The following RMDN2 variants were observed in gnomAD, a reference collection of about 807,000 sequenced individuals.
RMDN2 encodes the protein regulator of microtubule dynamics protein 2.
A neutral mutation model predicts 52.8 loss-of-function variants in RMDN2; 61 were observed. The observed-to-expected ratio is 1.16, with a 90% CI of 0.94 to 1.43. RMDN2 has a LOEUF of 1.43. Ranked by LOEUF, RMDN2 falls within the 40% of genes most tolerant of loss-of-function variation. The pLI is 0.00. For synonymous variants in RMDN2, 180 were observed against 153.1 expected (o/e 1.18, Z -1.30); for missense variants, 592 against 475.3 (o/e 1.25, Z -2.28).
chr2:37,941,149 C>A (rs1034826346), intron 2 of RMDN2, among the ~76,000 whole-genome samples: 5 of 152,192 alleles, frequency 3.3e-5, no homozygotes, highest in African/African-American at 1.2e-4. Flanking sequence ...ACAGTCAGGC[C>A]CCTCTTCTGC....
chr2:37,929,606 A>G lies in RMDN2; in HGVS notation c.329A>G (p.Glu110Gly), dbSNP rs1666556979. ...AAGCTGGAGGAATATATACAAGATGAACTTGGAGGGAAAATAACTGTTCAT... is the reference window on the plus strand; with the variant it reads ...AAGCTGGAGGAATATATACAAGATGGACTTGGAGGGAAAATAACTGTTCAT... ...IPKLEEYIQD[E>G]LGGKITVHKI... The change falls in exon 2 of 11, where the codon GAA becomes GGA. Residue 110 changes from glutamate (E) to glycine (G), a missense_variant. Transcript: ENST00000354545. The G allele has an allele frequency of 6.4e-7, 1 of 1,551,800 alleles. No individual in the cohort carries two copies. The highest frequency in any genetic ancestry group is 1.2e-5 in the South Asian group (1 of 84,052).
intron 10 of RMDN2, among the ~76,000 whole-genome samples, chr2:38,056,152 C>T (rs79372953): frequency 2.0e-3 from 301 of 152,258 alleles, no homozygotes; most frequent in African/African-American, 7.0e-3. Flanking sequence ...GCCAGGCACC[C>T]GGGATCCAGT....
At chr2:37,977,055 G>A (rs969645047) in intron 4 of RMDN2, among the ~76,000 whole-genome samples, 6 of 152,062 alleles carry the variant, frequency 3.9e-5, no homozygotes, top group Non-Finnish European at 8.8e-5. Context: ...GACTCTGAAC[G>A]AGCATGCTGC....
intron 10 of RMDN2, chr2:38,030,165 C>T (rs748192167): frequency 9.9e-5 from 15 of 152,212 alleles, no homozygotes; most frequent in Non-Finnish European, 1.6e-4. Context: ...ACAATGCCAG[C>T]GCCAGCCTTA....
intron 2 of RMDN2, among the ~76,000 whole-genome samples, chr2:37,954,339 A>T (rs138031676): frequency 6.6e-6 from 1 of 152,088 alleles, no homozygotes; most frequent in African/African-American, 2.4e-5. Context: ...TAGGTTTTAT[A>T]TTTAGGTCTT....
intron 10 of RMDN2, among the ~76,000 whole-genome samples, chr2:38,065,876 G>C (rs556516138): frequency 2.6e-5 from 4 of 152,228 alleles, no homozygotes; most frequent in Admixed American, 6.5e-5. Context: ...TCTCAGAAGA[G>C]AGCAGTGTGG....
Position 37,974,038 on chromosome 2 carries a change from A to C in RMDN2, c.453-2A>C. The C allele has an allele frequency of 6.2e-7, 1 of 1,600,484 alleles. No individual in the cohort carries two copies. Among genetic ancestry groups the C allele is most frequent in the Non-Finnish European group, 8.5e-7 (1 of 1,173,830 alleles). On this transcript the variant is annotated splice_acceptor_variant, in intron 2 of 10. Transcript: ENST00000354545. LOFTEE classifies it high-confidence loss of function. ...AGTTGATGATTATTTCTGCGATTTTAGGTATATTACAGCTAATACTGACAC... is the reference window on the plus strand; with the variant it reads ...AGTTGATGATTATTTCTGCGATTTTCGGTATATTACAGCTAATACTGACAC...
At chr2:37,966,415 T>A (rs1310211614) in intron 2 of RMDN2, among the ~76,000 whole-genome samples, 4 of 148,224 alleles carry the variant, frequency 2.7e-5, no homozygotes, top group African/African-American at 1.0e-4. Context: ...AGGCTCTGTC[T>A]TAAAAAAAAA....
chr2:38,006,691 T>C lies in RMDN2; in HGVS notation c.1179+2475T>C, dbSNP rs562444978. On this transcript the variant is annotated intron_variant, in intron 10 of 10. Transcript: ENST00000354545. Reference sequence around the variant, plus strand: ...TTCCTCTTTTCCTAATTGAATACCCTTTATTTCCTTCTCCTGCCTGATTGC... The same window carrying C: ...TTCCTCTTTTCCTAATTGAATACCCCTTATTTCCTTCTCCTGCCTGATTGC... Among the ~76,000 whole-genome samples, 6 of 152,316 alleles carry C rather than the reference T, an allele frequency of 3.9e-5. No individual in the cohort carries two copies. The South Asian group carries it at 1.2e-3, about 32-fold the overall frequency.
At chr2:37,950,959 AT>A (rs1377297454) in intron 2 of RMDN2, among the ~76,000 whole-genome samples, 1 of 151,624 alleles carries the variant, frequency 6.6e-6, no homozygotes, top group African/African-American at 2.4e-5. Context: ...TGCTTCCCTG[AT>A]TTTTTCAACT....
intron 4 of RMDN2, among the ~76,000 whole-genome samples, chr2:37,976,558 G>C (rs1393641921): frequency 6.6e-6 from 1 of 152,196 alleles, no homozygotes; most frequent in African/African-American, 2.4e-5. Flanking sequence ...TTCATTTGCT[G>C]AATGACCTCT....
chr2:38,061,540 A>G (rs1400212808), intron 10 of RMDN2, among the ~76,000 whole-genome samples: 4 of 151,662 alleles, frequency 2.6e-5, no homozygotes. Flanking sequence ...AGGATGTAAG[A>G]GGAAGCTTGT....
intron 2 of RMDN2, among the ~76,000 whole-genome samples, chr2:37,938,650 C>T (rs563972819): frequency 2.6e-5 from 4 of 152,158 alleles, no homozygotes; most frequent in African/African-American, 4.8e-5. Context: ...GGAATTTATC[C>T]GTTTCTTGTA....
chr2:37,977,224 G>A (rs187109381), intron 4 of RMDN2, among the ~76,000 whole-genome samples: 4 of 152,196 alleles, frequency 2.6e-5, no homozygotes, highest in African/African-American at 7.2e-5. Context: ...GAACAAAATG[G>A]AGTCTCCTAT....
intron 2 of RMDN2, among the ~76,000 whole-genome samples, chr2:37,943,354 C>G (rs571974866): frequency 6.6e-6 from 1 of 152,310 alleles, no homozygotes; most frequent in Non-Finnish European, 1.5e-5. Flanking sequence ...CAAGAGAGGA[C>G]AAGATTTCCA....
intron 4 of RMDN2, among the ~76,000 whole-genome samples, chr2:37,976,590 G>A (rs1184008996): frequency 6.6e-6 from 1 of 152,134 alleles, no homozygotes; most frequent in Non-Finnish European, 1.5e-5. Flanking sequence ...TCCCCCAGTG[G>A]GAGGAGGATG....
chr2:38,054,822 C>G (rs1681790837), intron 10 of RMDN2, among the ~76,000 whole-genome samples: 1 of 152,150 alleles, frequency 6.6e-6, no homozygotes, highest in Admixed American at 6.5e-5. Flanking sequence ...ACTACTGGAC[C>G]ATCCCTCTTC....
In RMDN2 at chr2:38,017,192, G is replaced by C. The variant is rs773523163; in HGVS notation, c.1186G>C (p.Glu396Gln). 31 of 1,525,032 alleles carry C rather than the reference G, an allele frequency of 2.0e-5. No homozygotes were observed. The highest frequency in any genetic ancestry group is 2.7e-5 in the Non-Finnish European group (31 of 1,131,058). 94.5% of individuals were successfully genotyped at this position (1,525,032 alleles called of 1,614,324 possible). The change falls in exon 11 of 11, where the codon GAG (glutamate) becomes CAG (glutamine). Residue 396 changes from glutamate to glutamine, a missense_variant. Physicochemically the swap from Glu to Gln is conservative, Grantham distance 29 (BLOSUM62 2). Transcript: ENST00000354545. ...LLPTVTKEDK[E>Q]AQKEMQKIMT... ...ATTTGTATTTTCTTTATAGGATAAA[G>C]AGGCACAGAAAGAGATGCAAAAAAT... is the stretch of plus-strand genomic sequence containing the variant.
intron 4 of RMDN2, among the ~76,000 whole-genome samples, chr2:37,977,333 C>T (rs1672616495): frequency 6.6e-6 from 1 of 152,256 alleles, no homozygotes; most frequent in Admixed American, 6.5e-5. Context: ...TCATCATGGC[C>T]CGTTCTCAAC....
Sources: gnomAD v4.1 joint callset for allele counts (sites outside exome capture counted in the v4.1 genomes callset) on GRCh38, gnomAD v4.1.1 for gene constraint, MANE v1.5 for transcripts, NCBI Gene and HGNC (gene_info 2026-07-23, HGNC 2026-07-21) for gene names.